Variants in FRAS1 observed in about 807,000 individuals in gnomAD.
The protein encoded by FRAS1 is Fraser extracellular matrix complex subunit 1.
A neutral mutation model predicts 435.2 loss-of-function variants in FRAS1; 290 were observed. The observed-to-expected ratio is 0.67, with a 90% CI of 0.61 to 0.73. FRAS1 has a LOEUF of 0.73. Ranked by LOEUF, FRAS1 falls within the 30% of genes least tolerant of loss-of-function variation. The pLI is 0.00. For missense variants in FRAS1, 4,860 were observed against 5,001.5 expected (o/e 0.97, Z 0.85); for synonymous variants, 1,800 against 1,851.0 (o/e 0.97, Z 0.71).
Position 78,177,120 on chromosome 4 carries a change from C to T in FRAS1, c.109-60390C>T, listed in dbSNP as rs571633122. 1.5e-4 allele frequency among the ~76,000 whole-genome samples: 21 copies of T among 144,018 alleles called. No individual in the cohort carries two copies. In the East Asian group the frequency reaches 4.3e-3, roughly 29 times the overall value. 94.5% of individuals were successfully genotyped at this position (144,018 alleles called of 152,430 possible). A position where few individuals can be genotyped will look rare whatever the true frequency, so the allele number is the denominator to read the frequency against. ...TTTTTTTTTTTGAGACAGAGTCTTGCTCTGTTGCCCAGGCTGGAGTGCAGT... is the reference window on the plus strand; with the variant it reads ...TTTTTTTTTTTGAGACAGAGTCTTGTTCTGTTGCCCAGGCTGGAGTGCAGT... On this transcript the variant is annotated intron_variant, in intron 2 of 73. Transcript: ENST00000512123.
intron 2 of FRAS1, among the ~76,000 whole-genome samples, chr4:78,169,467 C>T (rs1338159215): frequency 6.6e-6 from 1 of 152,058 alleles, no homozygotes; most frequent in Non-Finnish European, 1.5e-5. Flanking sequence ...TTAGATGCCA[C>T]TTCTCAAATG....
intron 66 of FRAS1, among the ~76,000 whole-genome samples, chr4:78,517,645 T>C (rs1347730546): frequency 6.6e-6 from 1 of 152,222 alleles, no homozygotes; most frequent in Non-Finnish European, 1.5e-5. Context: ...ATAACCTCTC[T>C]GAACCTCTTC....
At chr4:78,380,961 A>G (rs765662506) in intron 27 of FRAS1, among the ~76,000 whole-genome samples, 49 of 152,356 alleles carry the variant, frequency 3.2e-4, no homozygotes, top group Non-Finnish European at 6.8e-4. Context: ...TGAGCCAGGC[A>G]TCATGTTAGG....
intron 41 of FRAS1, among the ~76,000 whole-genome samples, chr4:78,444,387 GAA>G (rs200770982): frequency 6.6e-6 from 1 of 150,896 alleles, no homozygotes; most frequent in South Asian, 2.1e-4. Context: ...TGTTATTGAA[GAA>G]AAAAAAATGG....
chr4:78,373,446 C>CTAATAA (rs3086797), intron 24 of FRAS1, among the ~76,000 whole-genome samples: 20,264 of 138,720 alleles, frequency 0.15, 1,648 homozygotes, highest in Non-Finnish European at 0.19. Context: ...GAGCCAAGGA[C>CTAATAA]TAATAATAAT....
At chr4:78,403,326 T>C (rs12643648) in intron 30 of FRAS1, among the ~76,000 whole-genome samples, 2,377 of 152,056 alleles carry the variant, frequency 0.016, 61 homozygotes, top group African/African-American at 0.053. Flanking sequence ...ATATCACGTA[T>C]GCTTTATTGT....
intron 2 of FRAS1, among the ~76,000 whole-genome samples, chr4:78,133,328 TG>T (rs1719767978): frequency 1.3e-5 from 2 of 151,600 alleles, no homozygotes; most frequent in African/African-American, 2.4e-5. Context: ...TCAAAACAAT[TG>T]AACTCATGGA....
chr4:78,536,237 T>G (rs1721880289), intron 71 of FRAS1, among the ~76,000 whole-genome samples: 1 of 142,756 alleles, frequency 7.0e-6, no homozygotes. Flanking sequence ...CTCCTGCCTC[T>G]CACTCCCACC....
rs564957402 is a variant in FRAS1 at position 78,488,866 on chromosome 4, C to T, written c.8753-9C>T. 6.2e-7 allele frequency: 1 copy of T among 1,609,668 alleles called. No homozygotes were observed. Among genetic ancestry groups the T allele is most frequent in the South Asian group, 1.1e-5 (1 of 90,322 alleles). ...AATGGTGCGTCTGTCTTTCTGTCTG[C>T]CCACCTAGTGCCCAGCATGCAGTTT... On this transcript the variant is annotated splice_polypyrimidine_tract_variant and intron_variant, in intron 58 of 73. Coordinates refer to ENST00000512123, the MANE Select transcript of FRAS1 (RefSeq NM_025074.7).
intron 9 of FRAS1, 116 bp from the exon 10 acceptor site, chr4:78,278,539 C>A: frequency 3.0e-6 from 2 of 661,116 alleles, no homozygotes; most frequent in Non-Finnish European, 2.8e-6. Flanking sequence ...AGGGCCAGAG[C>A]CAACAGTGTG....
chr4:78,071,771 G>A (rs1392643727), intron 2 of FRAS1: 2 of 151,876 alleles, frequency 1.3e-5, no homozygotes, highest in East Asian at 3.9e-4. Flanking sequence ...ATAGATAGTG[G>A]CTACTATATT....
At chr4:78,265,499 G>A (rs974145053) in intron 7 of FRAS1, among the ~76,000 whole-genome samples, 1 of 152,132 alleles carries the variant, frequency 6.6e-6, no homozygotes, top group African/African-American at 2.4e-5. Context: ...TCACACCCCT[G>A]CCATCTTACA....
At chr4:78,128,751 T>C (rs867885214) in intron 2 of FRAS1, among the ~76,000 whole-genome samples, 2 of 152,244 alleles carry the variant, frequency 1.3e-5, no homozygotes, top group African/African-American at 2.4e-5. Context: ...AGAAATTCTT[T>C]AGTTTAATGA....
Position 78,194,684 on chromosome 4 carries a change from T to C in FRAS1, c.109-42826T>C, listed in dbSNP as rs568243343. On this transcript the variant is annotated intron_variant, in intron 2 of 73. Coordinates refer to ENST00000512123, the MANE Select transcript of FRAS1 (RefSeq NM_025074.7). ...GGTTAGCCATTCATCTAGTTTTTTT[T>C]CAAGGTTTTTAACTTCTTTGCCATG... Among the ~76,000 whole-genome samples the C allele has an allele frequency of 3.8e-4, 58 of 152,298 alleles. No individual in the cohort carries two copies. In the South Asian group the frequency reaches 9.7e-3, roughly 26 times the overall value.
At chr4:78,519,188 TG>T in intron 66 of FRAS1, 142 bp from the exon 67 acceptor site, 1 of 605,184 alleles carries the variant, frequency 1.7e-6, no homozygotes, top group Non-Finnish European at 2.6e-6. Flanking sequence ...AATAAGTAAG[TG>T]CAATCATGGG....
chr4:78,289,465 G>C (rs771292877), intron 14 of FRAS1, among the ~76,000 whole-genome samples: 81 of 152,146 alleles, frequency 5.3e-4, no homozygotes, highest in Non-Finnish European at 1.6e-4. Context: ...TTAAGGCTTA[G>C]CACTAGCCTG....
chr4:78,423,938 C>A (rs994912499), intron 34 of FRAS1, among the ~76,000 whole-genome samples: 2 of 152,178 alleles, frequency 1.3e-5, no homozygotes, highest in Non-Finnish European at 2.9e-5. Flanking sequence ...GAGTCCTATG[C>A]TGTATTATCT....
intron 47 of FRAS1, among the ~76,000 whole-genome samples, chr4:78,462,840 A>G (rs1485157267): frequency 1.3e-5 from 2 of 152,236 alleles, no homozygotes; most frequent in Admixed American, 1.3e-4. Flanking sequence ...TCTGGGTGAC[A>G]AATTTCAGAT....
At chr4:78,127,329 G>A (rs1341540039) in intron 2 of FRAS1, among the ~76,000 whole-genome samples, 1 of 152,140 alleles carries the variant, frequency 6.6e-6, no homozygotes, top group African/African-American at 2.4e-5. Context: ...GCCCTTTTAA[G>A]GGCTTTGGAC....
Sources: allele counts gnomAD v4.1 joint callset (sites outside exome capture counted in the v4.1 genomes callset), GRCh38; gene constraint gnomAD v4.1.1; transcripts MANE v1.5; gene names NCBI Gene and HGNC (gene_info 2026-07-23, HGNC 2026-07-21).